EIPR1: variants seen among roughly 807,000 people sequenced by gnomAD.
EIPR1 encodes the protein EARP complex and GARP complex interacting protein 1.
A neutral mutation model predicts 48.1 loss-of-function variants in EIPR1; 25 were observed. That is an observed-to-expected ratio of 0.52 (90% CI 0.38 to 0.73). The LOEUF (loss-of-function observed/expected upper bound fraction) is 0.73, where lower values mean the gene tolerates loss of function less well. Among genes scored for constraint, EIPR1 ranks in the 30% least tolerant of loss-of-function variants. The probability of loss-of-function intolerance (pLI) is 0.00; values close to 1 mark genes in which losing one functional copy is unlikely to be tolerated. For missense variants in EIPR1, 415 were observed against 506.2 expected (o/e 0.82, Z 1.73); for synonymous variants, 204 against 201.9 (o/e 1.01, Z -0.09).
intron 3 of EIPR1, among the ~76,000 whole-genome samples, chr2:3,335,190 C>A (rs890895298): frequency 1.3e-5 from 2 of 152,142 alleles, no homozygotes; most frequent in East Asian, 3.9e-4. Flanking sequence ...GAAGCTACAG[C>A]CAGTACACAC....
intron 8 of EIPR1, among the ~76,000 whole-genome samples, chr2:3,190,781 A>G (rs1470052487): frequency 6.6e-6 from 1 of 152,102 alleles, no homozygotes; most frequent in Admixed American, 6.5e-5. Flanking sequence ...CTTAAATACT[A>G]TTCTATGGCA....
chr2:3,316,089 A>C (rs186382475), intron 3 of EIPR1, among the ~76,000 whole-genome samples: 16 of 14,688 alleles, frequency 1.1e-3, no homozygotes, highest in African/African-American at 2.3e-3. Context: ...CCATCCCCAT[A>C]CACACCCCCA....
chr2:3,214,310 A>G, intron 4 of EIPR1, 62 bp from the exon 5 acceptor site: 1 of 1,476,498 alleles, frequency 6.8e-7, no homozygotes, highest in Non-Finnish European at 9.4e-7. Flanking sequence ...GCTGGTAGGT[A>G]AGAGCTGTGA....
chr2:3,258,690 T>G (rs750021262), intron 3 of EIPR1, among the ~76,000 whole-genome samples: 1 of 152,198 alleles, frequency 6.6e-6, no homozygotes, highest in Non-Finnish European at 1.5e-5. Flanking sequence ...TTGTGAATAT[T>G]ATTAATACCA....
chr2:3,264,162 C>T (rs1667418283), intron 3 of EIPR1, among the ~76,000 whole-genome samples: 1 of 152,164 alleles, frequency 6.6e-6, no homozygotes, highest in Admixed American at 6.5e-5. Flanking sequence ...CGCCCTCCCG[C>T]CAGCCTCTGT....
At chr2:3,304,167 C>G (rs1007869344) in intron 3 of EIPR1, among the ~76,000 whole-genome samples, 1 of 152,180 alleles carries the variant, frequency 6.6e-6, no homozygotes. Flanking sequence ...ATGATCTTCC[C>G]AAGACCCCAC....
At chr2:3,206,937 G>A (rs535780481) in intron 5 of EIPR1, among the ~76,000 whole-genome samples, 1 of 152,320 alleles carries the variant, frequency 6.6e-6, no homozygotes, top group African/African-American at 2.4e-5. Context: ...GATCCCTCAT[G>A]TCTGAACTGT....
At chr2:3,251,916 C>A (rs879740190) in intron 4 of EIPR1, among the ~76,000 whole-genome samples, 1 of 152,046 alleles carries the variant, frequency 6.6e-6, no homozygotes, top group Non-Finnish European at 1.5e-5. Flanking sequence ...AGTTCTGGGG[C>A]GAGACTTCTG....
intron 1 of EIPR1, among the ~76,000 whole-genome samples, chr2:3,371,507 C>T (rs1671114012): frequency 6.6e-6 from 1 of 152,104 alleles, no homozygotes; most frequent in African/African-American, 2.4e-5. Flanking sequence ...CAGAGACACA[C>T]ATAGGCTCAA....
intron 3 of EIPR1, among the ~76,000 whole-genome samples, chr2:3,335,956 C>T (rs759963514): frequency 1.1e-4 from 17 of 152,182 alleles, no homozygotes; most frequent in Admixed American, 7.2e-4. Flanking sequence ...ACTAATACCC[C>T]GACTGTCAGG....
intron 3 of EIPR1, among the ~76,000 whole-genome samples, chr2:3,337,617 C>T (rs758413259): frequency 1.3e-4 from 20 of 152,122 alleles, no homozygotes; most frequent in Non-Finnish European, 2.6e-4. Flanking sequence ...CCAGTCAACG[C>T]GCGTGTGTGC....
intron 3 of EIPR1, chr2:3,319,297 G>A (rs1358034721): frequency 8.2e-6 from 2 of 242,652 alleles, no homozygotes; most frequent in Non-Finnish European, 1.7e-5. Context: ...CCTAATTAGC[G>A]CTGCTGGCCC....
At chr2:3,336,091 CA>C (rs1329357577) in intron 3 of EIPR1, among the ~76,000 whole-genome samples, 1 of 152,138 alleles carries the variant, frequency 6.6e-6, no homozygotes, top group Non-Finnish European at 1.5e-5. Flanking sequence ...AAGCACCTCA[CA>C]GATCCTCAGG....
intron 2 of EIPR1, among the ~76,000 whole-genome samples, chr2:3,340,685 C>G (rs1222364376): frequency 6.6e-6 from 1 of 152,204 alleles, no homozygotes; most frequent in Non-Finnish European, 1.5e-5. Flanking sequence ...CATGACGCCA[C>G]ATCTCTACAA....
intron 2 of EIPR1, among the ~76,000 whole-genome samples, chr2:3,341,894 T>C (rs942196903): frequency 2.1e-4 from 32 of 152,064 alleles, no homozygotes; most frequent in African/African-American, 7.7e-4. Context: ...ATGAAGAAAA[T>C]TTATTCTTTA....
chr2:3,375,124 G>T (rs1196704685), intron 1 of EIPR1, among the ~76,000 whole-genome samples: 1 of 151,066 alleles, frequency 6.6e-6, no homozygotes. Flanking sequence ...GTAAACTGTC[G>T]CAAGGACAAA....
intron 4 of EIPR1, among the ~76,000 whole-genome samples, chr2:3,239,526 G>C (rs886426419): frequency 5.3e-5 from 8 of 152,192 alleles, no homozygotes; most frequent in African/African-American, 1.9e-4. Context: ...TGGCCATCGT[G>C]CGTCTGCTCT....
intron 3 of EIPR1, among the ~76,000 whole-genome samples, chr2:3,298,710 A>T (rs569297147): frequency 7.2e-5 from 11 of 152,146 alleles, no homozygotes; most frequent in African/African-American, 2.7e-4. Flanking sequence ...GATTGACAGC[A>T]GCCAAAGAGG....
At chr2:3,366,615 C>T (rs1670978819) in intron 1 of EIPR1, among the ~76,000 whole-genome samples, 1 of 152,024 alleles carries the variant, frequency 6.6e-6, no homozygotes, top group African/African-American at 2.4e-5. Flanking sequence ...CAAGAAAATC[C>T]ATGTGTTTAA....
Sources: gnomAD v4.1 joint callset for allele counts (sites outside exome capture counted in the v4.1 genomes callset) on GRCh38, gnomAD v4.1.1 for gene constraint, MANE v1.5 for transcripts, NCBI Gene and HGNC (gene_info 2026-07-23, HGNC 2026-07-21) for gene names.